UBASH3B: variants seen among roughly 807,000 people sequenced by gnomAD.
UBASH3B encodes the protein ubiquitin-associated and SH3 domain-containing protein B.
Under a neutral mutation model 83.4 loss-of-function variants are expected in UBASH3B, and 37 were observed. The observed-to-expected ratio is 0.44, with a 90% CI of 0.34 to 0.58. UBASH3B has a LOEUF of 0.58. UBASH3B is among the 20% of genes least tolerant of loss of function. The pLI is 0.01. For missense variants in UBASH3B, 657 were observed against 827.2 expected, an observed-to-expected ratio of 0.79 and a Z score of 2.52; for synonymous variants, 304 against 318.3, an observed-to-expected ratio of 0.96 and a Z score of 0.48.
chr11:122,759,771 C>T lies in UBASH3B; in HGVS notation c.162-16448C>T, dbSNP rs576505918. Among the ~76,000 whole-genome samples the T allele has an allele frequency of 1.3e-5, 2 of 152,338 alleles. No individual in the cohort carries two copies. The highest frequency in any genetic ancestry group is 2.1e-4 in the South Asian group (1 of 4,830). On this transcript the variant is annotated intron_variant, in intron 1 of 13. Transcript: ENST00000284273. This position sits in a 1 kb window ranked among gnomAD's most constrained non-coding sequence, Gnocchi z 4.1. ...CAGAGCTCAGGCAGTAATGCTCACT[C>T]GCCTGCCTGCCTGCTGTGCAGCCTG...
chr11:122,655,887 A>T lies in UBASH3B; in HGVS notation c.-163A>T. 1 of 744,190 alleles carries T rather than the reference A, an allele frequency of 1.3e-6. No individual in the cohort carries two copies. The highest frequency in any genetic ancestry group is 2.0e-6 in the Non-Finnish European group (1 of 499,796). 46.1% of individuals were successfully genotyped at this position (744,190 alleles called of 1,614,324 possible). On this transcript the variant is annotated 5_prime_UTR_variant, in exon 1 of 14. Transcript: ENST00000284273. ...TCCTGTGGCCTCACCAGGAAGCGTC[A>T]GAGTCCCGACACTGGGGAAGCTCGG...
At chr11:122,676,571 G>A (rs1326545480) in intron 1 of UBASH3B, among the ~76,000 whole-genome samples, 1 of 151,950 alleles carries the variant, frequency 6.6e-6, no homozygotes, top group Non-Finnish European at 1.5e-5. Flanking sequence ...AAACTAGTTG[G>A]GCATGGTGGC....
chr11:122,778,275 G>A (rs1405292347), intron 3 of UBASH3B, among the ~76,000 whole-genome samples: 2 of 152,010 alleles, frequency 1.3e-5, no homozygotes, highest in Non-Finnish European at 2.9e-5. Context: ...CATTCACTCT[G>A]AAAATTAAAG....
chr11:122,691,482 C>G (rs1863896546), intron 1 of UBASH3B, among the ~76,000 whole-genome samples: 1 of 152,160 alleles, frequency 6.6e-6, no homozygotes, highest in Non-Finnish European at 1.5e-5. Context: ...CAGCTGTAAC[C>G]CCTTTCCTCT....
chr11:122,812,323 T>G lies in UBASH3B; in HGVS notation c.*2437T>G, dbSNP rs1591337214. On this transcript the variant is annotated 3_prime_UTR_variant, in exon 14 of 14. Transcript: ENST00000284273. Reference sequence around the variant, plus strand: ...TAAGTTCCCCTTGCACACTTACCTATTTAAAAAACTAAACTTGCACTGCAA... The same window carrying G: ...TAAGTTCCCCTTGCACACTTACCTAGTTAAAAAACTAAACTTGCACTGCAA... 6.6e-6 allele frequency: 1 copy of G among 152,226 alleles called. No individual in the cohort carries two copies. The highest frequency in any genetic ancestry group is 1.9e-4 in the East Asian group (1 of 5,196). The allele number at this position is 152,226 out of a possible 1,614,324, so 9.4% of individuals were successfully genotyped here.
chr11:122,689,008 C>A (rs925114980), intron 1 of UBASH3B, among the ~76,000 whole-genome samples: 18 of 148,774 alleles, frequency 1.2e-4, no homozygotes, highest in African/African-American at 4.1e-4. Flanking sequence ...CCATATTGGC[C>A]AGGCTGGTCT....
intron 1 of UBASH3B, among the ~76,000 whole-genome samples, chr11:122,767,222 G>T (rs1487297393): frequency 6.6e-6 from 1 of 150,880 alleles, no homozygotes; most frequent in Non-Finnish European, 1.5e-5. Context: ...AGGTCACAGT[G>T]AGTGAGAATG....
chr11:122,745,845 G>A (rs884392), intron 1 of UBASH3B, among the ~76,000 whole-genome samples: 29,198 of 152,096 alleles, frequency 0.19, 3,035 homozygotes, highest in Middle Eastern at 0.25. Context: ...TGGGGCAGAG[G>A]TCATCTCCCG....
intron 1 of UBASH3B, among the ~76,000 whole-genome samples, chr11:122,740,542 G>A (rs11606718): frequency 6.5e-4 from 99 of 152,284 alleles, no homozygotes; most frequent in Admixed American, 1.2e-3. Flanking sequence ...AACCATATGA[G>A]GCAGTCCTAT....
chr11:122,786,358 G>A, intron 5 of UBASH3B, among the ~76,000 whole-genome samples: 1 of 150,648 alleles, frequency 6.6e-6, no homozygotes, highest in East Asian at 2.1e-4. Context: ...CTGGATTCAA[G>A]AGTTCTTATG....
At chr11:122,672,351 T>C (rs1209399972) in intron 1 of UBASH3B, among the ~76,000 whole-genome samples, 3 of 151,744 alleles carry the variant, frequency 2.0e-5, no homozygotes, top group Non-Finnish European at 4.4e-5. Context: ...AGATGGAGTC[T>C]CCCTGTCACC....
At chr11:122,752,283 A>G (rs1227359041) in intron 1 of UBASH3B, among the ~76,000 whole-genome samples, 1 of 152,138 alleles carries the variant, frequency 6.6e-6, no homozygotes, top group Non-Finnish European at 1.5e-5. Flanking sequence ...AGTGTTGTCT[A>G]GTGCTATTGA....
At position 122,806,455 on chromosome 11, in the gene UBASH3B, T is replaced by C. The variant is rs999600855; in HGVS notation, c.1641T>C (p.Asp547=). 6.2e-7 allele frequency: 1 copy of C among 1,606,406 alleles called. No individual in the cohort carries two copies. The highest frequency in any genetic ancestry group is 8.5e-7 in the Non-Finnish European group (1 of 1,177,648). ...ISKLVVSESY[D]TYISRSFQVT... The stretch of plus-strand genomic sequence containing the variant: ...AATTAGTTGTTTCAGAATCCTATGA[T>C]ACTTATATCAGTAGAAGTTTCCAAG... The change falls in exon 12 of 14, where the codon GAT becomes GAC. Residue 547 remains aspartate, a synonymous_variant. Transcript: ENST00000284273. The surrounding 1 kb of genome is among the most constrained non-coding windows in gnomAD (Gnocchi z 4.0).
chr11:122,734,151 G>A (rs953760084), intron 1 of UBASH3B, among the ~76,000 whole-genome samples: 4 of 152,170 alleles, frequency 2.6e-5, no homozygotes, highest in Non-Finnish European at 5.9e-5. Flanking sequence ...CCTCCAAAGT[G>A]CTGGGATTAC....
At chr11:122,743,719 G>GGTAC (rs774342979) in intron 1 of UBASH3B, among the ~76,000 whole-genome samples, 1 of 152,214 alleles carries the variant, frequency 6.6e-6, no homozygotes, top group Non-Finnish European at 1.5e-5. Flanking sequence ...GTGGGGTTGG[G>GGTAC]GTACGGCACA....
intron 7 of UBASH3B, 129 bp from the exon 8 acceptor site, chr11:122,796,027 C>A: frequency 8.5e-7 from 1 of 1,180,360 alleles, no homozygotes; most frequent in Non-Finnish European, 1.2e-6. Context: ...TAGGACGAGT[C>A]TTACTGTCCT....
At chr11:122,683,084 C>G (rs141327395) in intron 1 of UBASH3B, among the ~76,000 whole-genome samples, 2 of 151,866 alleles carry the variant, frequency 1.3e-5, no homozygotes, top group Non-Finnish European at 2.9e-5. Context: ...GACCCCATCT[C>G]TACAAAAAAT....
chr11:122,778,145 CA>C (rs1215825469), intron 3 of UBASH3B, among the ~76,000 whole-genome samples: 7 of 70,914 alleles, frequency 9.9e-5, no homozygotes, highest in South Asian at 3.8e-4. Context: ...CAAGACCAAA[CA>C]AAGTGGTAGC....
At chr11:122,715,580 C>T (rs1301941192) in intron 1 of UBASH3B, among the ~76,000 whole-genome samples, 3 of 152,350 alleles carry the variant, frequency 2.0e-5, no homozygotes, top group East Asian at 1.9e-4. Flanking sequence ...TGGAGAAACA[C>T]GGATCCGAAA....
Sources: allele counts gnomAD v4.1 joint callset (sites outside exome capture counted in the v4.1 genomes callset), GRCh38; gene constraint gnomAD v4.1.1; non-coding constraint Gnocchi (gnomAD v3.1); transcripts MANE v1.5; gene names NCBI Gene and HGNC (gene_info 2026-07-23, HGNC 2026-07-21).